RYR2: variants seen among roughly 807,000 people sequenced by gnomAD.
RYR2 encodes cardiac muscle ryanodine receptor-calcium release channel.
RYR2 carries 227 observed loss-of-function variants against 601.1 expected under a neutral mutation model. The ratio of observed to expected loss-of-function variants is 0.38; its 90% CI spans 0.34 to 0.42. The LOEUF is 0.42. Among genes scored for constraint, RYR2 ranks in the 10% least tolerant of loss-of-function variants. RYR2 has a pLI of 1.00. For synonymous variants in RYR2, 2,223 were observed against 2,175.1 expected (o/e 1.02, Z -0.61); for missense variants, 4,646 against 6,156.5 (o/e 0.75, Z 8.21).
At chr1:237,733,167 C>T (rs1690840163) in intron 78 of RYR2, among the ~76,000 whole-genome samples, 1 of 152,178 alleles carries the variant, frequency 6.6e-6, no homozygotes, top group South Asian at 2.1e-4. Context: ...AATAACTTTG[C>T]AAATTTTAGG....
chr1:237,230,885 T>A (rs774210466), intron 1 of RYR2, among the ~76,000 whole-genome samples: 1 of 137,826 alleles, frequency 7.3e-6, no homozygotes, highest in Non-Finnish European at 1.5e-5. Context: ...GCTGAGATCG[T>A]GCCACTGCAT....
At chr1:237,554,135 T>A (rs1670660474) in intron 27 of RYR2, among the ~76,000 whole-genome samples, 1 of 151,970 alleles carries the variant, frequency 6.6e-6, no homozygotes, top group Admixed American at 6.6e-5. Flanking sequence ...TATAGCTTTT[T>A]ATAGCTGTCC....
In RYR2 at chr1:237,747,959, G is replaced by A. The variant is rs558586296; in HGVS notation, c.11145+5610G>A. On this transcript the variant is annotated intron_variant, in intron 80 of 104. Coordinates refer to ENST00000366574, the MANE Select transcript of RYR2 (RefSeq NM_001035.3). ...GGGAAAGAGGGAAGGAATTCTGAGG[G>A]CCAGTGTTCTCCAGTACTCACGCTG... Among the ~76,000 whole-genome samples, 5 of 152,128 alleles carry A rather than the reference G, an allele frequency of 3.3e-5. No homozygotes were observed. In the East Asian group the frequency reaches 9.7e-4, roughly 29 times the overall value.
At chr1:237,404,397 A>G (rs1703673361) in intron 10 of RYR2, among the ~76,000 whole-genome samples, 1 of 152,266 alleles carries the variant, frequency 6.6e-6, no homozygotes. Flanking sequence ...ATAATAAGCC[A>G]AGAATACATA....
intron 87 of RYR2, among the ~76,000 whole-genome samples, chr1:237,775,095 A>G (rs931390930): frequency 6.8e-6 from 1 of 147,852 alleles, no homozygotes; most frequent in African/African-American, 2.5e-5. Flanking sequence ...AAAAAAAAAA[A>G]CAGAAGTAAC....
intron 1 of RYR2, among the ~76,000 whole-genome samples, chr1:237,175,757 G>C (rs1259317667): frequency 6.6e-6 from 1 of 152,114 alleles, no homozygotes; most frequent in Non-Finnish European, 1.5e-5. Context: ...CTGGGTTCCA[G>C]GTTCACTCTG....
chr1:237,502,732 G>T (rs2150489334), intron 21 of RYR2, among the ~76,000 whole-genome samples: 1 of 152,074 alleles, frequency 6.6e-6, no homozygotes, highest in Non-Finnish European at 1.5e-5. Context: ...ACAGGCCGCG[G>T]ACTGGTACCT....
At chr1:237,444,422 G>A (rs1487223858) in intron 13 of RYR2, among the ~76,000 whole-genome samples, 3 of 152,042 alleles carry the variant, frequency 2.0e-5, no homozygotes, top group Non-Finnish European at 2.9e-5. Flanking sequence ...TTTATATAAG[G>A]AGTTTCCTCT....
chr1:237,341,191 T>A (rs1697735839), intron 3 of RYR2, among the ~76,000 whole-genome samples: 1 of 152,238 alleles, frequency 6.6e-6, no homozygotes, highest in South Asian at 2.1e-4. Context: ...CTTCCTCAGC[T>A]ATTTGTGTGT....
intron 1 of RYR2, among the ~76,000 whole-genome samples, chr1:237,259,175 A>G (rs1030089235): frequency 1.3e-5 from 2 of 152,114 alleles, no homozygotes; most frequent in Non-Finnish European, 2.9e-5. Context: ...GCACAGAACA[A>G]CAGATTACTT....
chr1:237,669,511 C>CG (rs35158623), intron 58 of RYR2, among the ~76,000 whole-genome samples: 1 of 148,372 alleles, frequency 6.7e-6, no homozygotes, highest in African/African-American at 2.5e-5. Context: ...GGGGGCTGAC[C>CG]CCCCCCACCT....
chr1:237,629,989 T>C (rs1015344598), intron 41 of RYR2, among the ~76,000 whole-genome samples: 1 of 152,166 alleles, frequency 6.6e-6, no homozygotes, highest in Non-Finnish European at 1.5e-5. Flanking sequence ...ATAGGTCTTA[T>C]TTGAGTACTA....
At position 237,680,605 on chromosome 1, in the gene RYR2, T is replaced by C. The variant is rs573709369; in HGVS notation, c.9017+28T>C. 20 of 1,568,496 alleles carry C rather than the reference T, an allele frequency of 1.3e-5. No homozygotes were observed. The East Asian group carries it at 4.3e-4, about 34-fold the overall frequency. On this transcript the variant is annotated intron_variant, in intron 62 of 104. Coordinates refer to ENST00000366574, the MANE Select transcript of RYR2 (RefSeq NM_001035.3). ...AAACAGCTATAAAAATAAGCACTGT[T>C]GTATGACTTAGGTGTATATGCAGTT...
At chr1:237,441,623 A>G (rs907048136) in intron 13 of RYR2, 140 bp downstream of exon 13, 10 of 658,188 alleles carry the variant, frequency 1.5e-5, no homozygotes, top group Non-Finnish European at 2.5e-5. Context: ...ATTCCACTGT[A>G]ATAGACTCTT....
chr1:237,650,188 C>T, intron 50 of RYR2, 91 bp downstream of exon 50: 1 of 1,190,368 alleles, frequency 8.4e-7, no homozygotes, highest in Non-Finnish European at 1.2e-6. Flanking sequence ...ATTTTGGAAA[C>T]ATTTTCCATA....
intron 49 of RYR2, among the ~76,000 whole-genome samples, chr1:237,649,529 C>T (rs1023501018): frequency 1.3e-5 from 2 of 152,112 alleles, no homozygotes; most frequent in African/African-American, 4.8e-5. Flanking sequence ...GAATAAGCTC[C>T]TCTCTTTGCC....
chr1:237,769,015 C>A (rs1000102573), intron 84 of RYR2, among the ~76,000 whole-genome samples: 1 of 152,102 alleles, frequency 6.6e-6, no homozygotes, highest in Non-Finnish European at 1.5e-5. Context: ...TTGTGCAGAG[C>A]ATTTTTAGGT....
intron 62 of RYR2, among the ~76,000 whole-genome samples, chr1:237,681,494 A>G (rs190353158): frequency 3.7e-4 from 57 of 152,252 alleles, no homozygotes; most frequent in African/African-American, 1.3e-3. Flanking sequence ...CTTATTGTCT[A>G]TTTTACCAAG....
intron 1 of RYR2, among the ~76,000 whole-genome samples, chr1:237,262,956 T>C (rs1688687941): frequency 6.6e-6 from 1 of 152,074 alleles, no homozygotes; most frequent in African/African-American, 2.4e-5. Context: ...TTTTCAAGAG[T>C]ATAATATATG....
Sources: allele counts gnomAD v4.1 joint callset (sites outside exome capture counted in the v4.1 genomes callset), GRCh38; gene constraint gnomAD v4.1.1; transcripts MANE v1.5; gene names NCBI Gene and HGNC (gene_info 2026-07-23, HGNC 2026-07-21).